The following PPP2R2D variants were observed in gnomAD, a reference collection of about 807,000 sequenced individuals.
PPP2R2D encodes protein phosphatase 2 regulatory subunit Bdelta.
PPP2R2D carries 9 observed loss-of-function variants against 31.1 expected under a neutral mutation model. That is an observed-to-expected ratio of 0.29 (90% confidence interval 0.17 to 0.51). The LOEUF (loss-of-function observed/expected upper bound fraction) is 0.51. Among genes scored for constraint, PPP2R2D ranks in the 20% least tolerant of loss-of-function variants. The pLI, the probability that PPP2R2D is intolerant of heterozygous loss-of-function variation, is 0.98. For synonymous variants in PPP2R2D, 179 were observed against 172.6 expected (o/e 1.04, Z -0.29); for missense variants, 391 against 465.6 (o/e 0.84, Z 1.48).
At position 131,956,077 on chromosome 10, in the gene PPP2R2D, C is replaced by G; in HGVS notation, c.*114C>G. The G allele has an allele frequency of 7.8e-7, 1 of 1,276,498 alleles. No homozygotes were observed. The highest frequency in any genetic ancestry group is 9.9e-7 in the Non-Finnish European group (1 of 1,011,186). The allele number at this position is 1,276,498 out of a possible 1,614,324, so 79.1% of individuals were successfully genotyped here. A position where few individuals can be genotyped will look rare whatever the true frequency, so the allele number is the denominator to read the frequency against. ...AAGAACAGTGACGCACCTGCTACTTCCCTTCACAGACACAGGAGAAAGCCG... is the reference window on the plus strand; with the variant it reads ...AAGAACAGTGACGCACCTGCTACTTGCCTTCACAGACACAGGAGAAAGCCG... On this transcript the variant is annotated 3_prime_UTR_variant, in exon 9 of 9. Coordinates refer to ENST00000455566, the MANE Select transcript of PPP2R2D (RefSeq NM_018461.5).
intron 2 of PPP2R2D, among the ~76,000 whole-genome samples, chr10:131,921,372 C>T (rs2035985033): frequency 6.6e-6 from 1 of 152,158 alleles, no homozygotes; most frequent in Non-Finnish European, 1.5e-5. Flanking sequence ...GGTCCTAAGG[C>T]TTCGGCAGTT....
Position 131,934,405 on chromosome 10 carries a change from T to C in PPP2R2D, c.101-53T>C, listed in dbSNP as rs562486439. 5 of 736,478 alleles carry C rather than the reference T, an allele frequency of 6.8e-6. No homozygotes were observed. The African/African-American group carries it at 7.0e-5, about 10-fold the overall frequency. The allele number at this position is 736,478 out of a possible 1,614,324, so 45.6% of individuals were successfully genotyped here. ...CTTTTTTATTAATTTTTTGGTATTG[T>C]GACTCCTCCCCAAAACCGCATCCGG... On this transcript the variant is annotated intron_variant, in intron 2 of 8. Transcript: ENST00000455566.
chr10:131,942,424 T>G (rs2036458507), intron 5 of PPP2R2D, among the ~76,000 whole-genome samples: 1 of 152,256 alleles, frequency 6.6e-6, no homozygotes, highest in Admixed American at 6.5e-5. Flanking sequence ...GTACATTGAC[T>G]TAGGTCGGTA....
Position 131,901,037 on chromosome 10 carries a change from GGCGGCGGCGCCGGCGGTGGTGGCGGCC to G in PPP2R2D, c.-111_-85del, listed in dbSNP as rs1359613359. ...ATCCCTCCCCGGCGGCGGCGGCGGCGGCGGCGGCGCCGGCGGTGGTGGCGGCCCCGGGGCTGAGCGCTCGGCTGCAGC... is the reference window on the plus strand; with the variant it reads ...ATCCCTCCCCGGCGGCGGCGGCGGCGCCGGGGCTGAGCGCTCGGCTGCAGC... On this transcript the variant is annotated 5_prime_UTR_variant, in exon 1 of 9. Transcript: ENST00000455566. 6.3e-6 allele frequency: 1 copy of G among 159,792 alleles called. No individual in the cohort carries two copies. Among genetic ancestry groups the G allele is most frequent in the African/African-American group, 2.4e-5 (1 of 41,040 alleles). The allele number at this position is 159,792 out of a possible 1,614,324, so 9.9% of individuals were successfully genotyped here.
At chr10:131,924,885 A>G (rs537127837) in intron 2 of PPP2R2D, among the ~76,000 whole-genome samples, 39 of 151,994 alleles carry the variant, frequency 2.6e-4, no homozygotes, top group Non-Finnish European at 5.3e-4. Context: ...CTTTGATTAA[A>G]TTTATTCCTA....
chr10:131,906,573 T>C (rs1032942603), intron 2 of PPP2R2D, among the ~76,000 whole-genome samples: 6 of 152,058 alleles, frequency 3.9e-5, no homozygotes, highest in African/African-American at 1.4e-4. Flanking sequence ...CGCAGAAAGG[T>C]AACAAAAATT....
At chr10:131,936,148 A>G (rs2036335389) in intron 3 of PPP2R2D, among the ~76,000 whole-genome samples, 1 of 151,812 alleles carries the variant, frequency 6.6e-6, no homozygotes, top group African/African-American at 2.4e-5. Context: ...TTAAAGCAGG[A>G]GGAGTTTTTG....
intron 2 of PPP2R2D, among the ~76,000 whole-genome samples, chr10:131,920,030 GAC>G (rs1203223511): frequency 2.7e-5 from 4 of 150,678 alleles, no homozygotes; most frequent in African/African-American, 9.8e-5. Context: ...CGGGTGGGAT[GAC>G]ACAGTGTAGG....
At chr10:131,917,605 G>T (rs1258791814) in intron 2 of PPP2R2D, among the ~76,000 whole-genome samples, 1 of 129,458 alleles carries the variant, frequency 7.7e-6, no homozygotes, top group Non-Finnish European at 1.6e-5. Context: ...GGGACCTCAC[G>T]TGGGTGGAAT....
chr10:131,920,893 CTG>C (rs1554894157), intron 2 of PPP2R2D, among the ~76,000 whole-genome samples: 1 of 152,212 alleles, frequency 6.6e-6, no homozygotes, highest in African/African-American at 2.4e-5. Context: ...GATTGCGCCA[CTG>C]TGCTCCAGCC....
At chr10:131,967,709 T>A in the PPP2R2D span, 1 of 151,778 alleles carries the variant, frequency 6.6e-6, no homozygotes, top group Non-Finnish European at 1.5e-5. Context: ...AAAGATTTAT[T>A]TTTTTTTCCA....
the PPP2R2D span, chr10:131,971,517 G>A: frequency 6.5e-6 from 1 of 153,536 alleles, no homozygotes; most frequent in Non-Finnish European, 1.4e-5. Context: ...AAACATTAAA[G>A]AGGATTTTAA....
chr10:131,936,132 T>C (rs530251424), intron 3 of PPP2R2D, among the ~76,000 whole-genome samples: 5 of 152,158 alleles, frequency 3.3e-5, no homozygotes, highest in Non-Finnish European at 7.4e-5. Context: ...TGTTTAAATG[T>C]TACTTTTAAA....
chr10:131,928,878 C>G (rs1389542089), intron 2 of PPP2R2D, among the ~76,000 whole-genome samples: 1 of 152,302 alleles, frequency 6.6e-6, no homozygotes, highest in South Asian at 2.1e-4. Flanking sequence ...GACATTGTCT[C>G]TCGGGACAAG....
At chr10:131,940,745 C>T (rs2036426876) in intron 5 of PPP2R2D, 51 bp downstream of exon 5, 5 of 726,952 alleles carry the variant, frequency 6.9e-6, no homozygotes, top group South Asian at 1.5e-5. Context: ...TAAGAATAAA[C>T]GTTTCAGTCT....
intron 2 of PPP2R2D, among the ~76,000 whole-genome samples, chr10:131,932,750 A>G (rs2036265396): frequency 6.6e-6 from 1 of 151,614 alleles, no homozygotes; most frequent in East Asian, 1.9e-4. Flanking sequence ...AACTGTCTCC[A>G]TCAGATTAAT....
intron 2 of PPP2R2D, among the ~76,000 whole-genome samples, chr10:131,921,418 G>C (rs1317483310): frequency 6.6e-6 from 1 of 152,110 alleles, no homozygotes; most frequent in Admixed American, 6.6e-5. Context: ...GAGGGCTCTG[G>C]GAGTCAAAAG....
chr10:131,941,069 G>C (rs1367203332), intron 5 of PPP2R2D, among the ~76,000 whole-genome samples: 1 of 152,192 alleles, frequency 6.6e-6, no homozygotes, highest in Non-Finnish European at 1.5e-5. Flanking sequence ...AGCACAGGTT[G>C]CAGGTCGAAA....
At chr10:131,906,960 A>G (rs1214854108) in intron 2 of PPP2R2D, among the ~76,000 whole-genome samples, 1 of 151,598 alleles carries the variant, frequency 6.6e-6, no homozygotes, top group Admixed American at 6.6e-5. Context: ...AAAAAATAAT[A>G]ATAATTATAT....
Sources: gnomAD v4.1 joint callset for allele counts (sites outside exome capture counted in the v4.1 genomes callset) on GRCh38, gnomAD v4.1.1 for gene constraint, MANE v1.5 for transcripts, NCBI Gene and HGNC (gene_info 2026-07-23, HGNC 2026-07-21) for gene names.